Variants in EPAS1 observed in about 807,000 individuals in gnomAD.
EPAS1 encodes endothelial PAS domain protein 1, also known as endothelial PAS domain-containing protein 1.
EPAS1 carries 23 observed loss-of-function variants against 87.9 expected under a neutral mutation model. That is an observed-to-expected ratio of 0.26 (90% CI 0.19 to 0.37). EPAS1 has a LOEUF of 0.37. EPAS1 is among the 10% of genes least tolerant of loss of function. The probability of loss-of-function intolerance (pLI) is 1.00; values close to 1 mark genes in which losing one functional copy is unlikely to be tolerated. For missense variants in EPAS1, 1,138 were observed against 1,120.7 expected (o/e 1.02, Z -0.22); for synonymous variants, 508 against 444.3 (o/e 1.14, Z -1.80).
chr2:46,382,270 T>A (rs1369154511), intron 14 of EPAS1, among the ~76,000 whole-genome samples, 155 bp from the exon 15 acceptor site: 1 of 152,194 alleles, frequency 6.6e-6, no homozygotes, highest in Admixed American at 6.5e-5. Flanking sequence ...CCATCTCCAC[T>A]CTGACTTAGA....
At chr2:46,350,118 T>C (rs1460449170) in intron 2 of EPAS1, among the ~76,000 whole-genome samples, 3 of 152,252 alleles carry the variant, frequency 2.0e-5, no homozygotes, top group Non-Finnish European at 4.4e-5. Context: ...TTGATTTATA[T>C]TAAATATAGG....
In EPAS1 at chr2:46,356,707, C is replaced by G. The variant is rs1349013903; in HGVS notation, c.370-17C>G. ...CACTGTTAGGAATAATGATGCCTAA[C>G]CTTGTTTTTGAAACAGGTGGAGCTA... On this transcript the variant is annotated splice_polypyrimidine_tract_variant and intron_variant, in intron 3 of 15. Coordinates refer to ENST00000263734, the MANE Select transcript of EPAS1 (RefSeq NM_001430.5). 4 of 1,597,560 alleles carry G rather than the reference C, an allele frequency of 2.5e-6. No homozygotes were observed. Among genetic ancestry groups the G allele is most frequent in the Non-Finnish European group, 3.4e-6 (4 of 1,164,976 alleles).
intron 6 of EPAS1, among the ~76,000 whole-genome samples, chr2:46,368,974 T>G (rs1320321918): frequency 6.6e-6 from 1 of 152,158 alleles, no homozygotes; most frequent in Non-Finnish European, 1.5e-5. Context: ...GAATGTTAAG[T>G]GATTCTTCAT....
intron 6 of EPAS1, among the ~76,000 whole-genome samples, chr2:46,364,630 T>C (rs1684466595): frequency 6.6e-6 from 1 of 152,262 alleles, no homozygotes; most frequent in Non-Finnish European, 1.5e-5. Context: ...TAGTAAATAC[T>C]TTTAAAAGTA....
chr2:46,361,796 C>T (rs931032827), intron 6 of EPAS1, among the ~76,000 whole-genome samples: 10 of 152,272 alleles, frequency 6.6e-5, no homozygotes, highest in Middle Eastern at 3.4e-3. Context: ...CATGCCATCT[C>T]GGGTTCTTAG....
rs539540390 is a variant in EPAS1 at position 46,376,732 on chromosome 2, G to A, written c.1228G>A (p.Ala410Thr). ...LAQLAPTPGD[A>T]IISLDFGNQN... is the part of the protein sequence containing the mutation. ...CCAGCTGGCTCCCACCCCAGGAGAC[G>A]CCATCATCTCTCTGGATTTCGGTGG... Residue 410 changes from alanine (A) to threonine (T), a missense_variant, in exon 9 of 16, where the codon GCC becomes ACC. Transcript: ENST00000263734. The A allele has an allele frequency of 3.9e-5, 63 of 1,612,590 alleles. No individual in the cohort carries two copies. In the East Asian group the frequency reaches 6.2e-4, roughly 16 times the overall value.
intron 10 of EPAS1, 68 bp downstream of exon 10, chr2:46,378,155 A>C: frequency 6.5e-7 from 1 of 1,538,150 alleles, no homozygotes; most frequent in South Asian, 1.2e-5. Flanking sequence ...CAGATGGCTG[A>C]AGGGACATTT....
At chr2:46,356,053 A>T (rs545836837) in intron 2 of EPAS1, 98 bp from the exon 3 acceptor site, 2 of 1,356,948 alleles carry the variant, frequency 1.5e-6, no homozygotes, top group Non-Finnish European at 2.1e-6. Context: ...AGTCCACCCA[A>T]TGCCTTTGCA....
chr2:46,378,100 C>G lies in EPAS1; in HGVS notation c.1443+13C>G, dbSNP rs1266132853. 6.3e-7 allele frequency: 1 copy of G among 1,589,602 alleles called. No individual in the cohort carries two copies. The highest frequency in any genetic ancestry group is 1.1e-5 in the South Asian group (1 of 87,582). ...CAGCTGCTCCACGGTGAGCAGCCCT[C>G]TTATGGCGAGGACACAGAGAGGGCT... On this transcript the variant is annotated intron_variant, in intron 10 of 15. Coordinates refer to ENST00000263734, the MANE Select transcript of EPAS1 (RefSeq NM_001430.5).
chr2:46,354,314 C>G (rs4953358), intron 2 of EPAS1, among the ~76,000 whole-genome samples: 95,560 of 151,964 alleles, frequency 0.63, 31,415 homozygotes, highest in East Asian at 0.89. Flanking sequence ...ATGTTTGCAA[C>G]TGACATATTA....
intron 1 of EPAS1, among the ~76,000 whole-genome samples, chr2:46,336,522 T>G (rs963731047): frequency 6.6e-6 from 1 of 152,050 alleles, no homozygotes; most frequent in Non-Finnish European, 1.5e-5. Flanking sequence ...TAGGGAAGAC[T>G]TGAAGGAGGA....
rs139977814 is a variant in EPAS1 at position 46,357,601 on chromosome 2, C to A, written c.454+793C>A. Among the ~76,000 whole-genome samples, 4 of 152,282 alleles carry A rather than the reference C, an allele frequency of 2.6e-5. No homozygotes were observed. The East Asian group carries it at 5.8e-4, about 22-fold the overall frequency. The stretch of plus-strand genomic sequence containing the variant: ...TGGTTAGAGCATGTTACAGGCCAGC[C>A]CTGGCTCATTGTGGGAGGAAACTAC... On this transcript the variant is annotated intron_variant, in intron 4 of 15. Coordinates refer to ENST00000263734, the MANE Select transcript of EPAS1 (RefSeq NM_001430.5).
chr2:46,368,596 G>T (rs543940437), intron 6 of EPAS1, among the ~76,000 whole-genome samples: 2 of 152,220 alleles, frequency 1.3e-5, no homozygotes, highest in South Asian at 2.1e-4. Flanking sequence ...GACCTGTTTG[G>T]GGGGTGGGTT....
At position 46,380,351 on chromosome 2, in the gene EPAS1, C is replaced by A. The variant is rs868839389; in HGVS notation, c.1679C>A (p.Pro560His). The change falls in exon 12 of 16, where the codon CCC becomes CAC. Residue 560 changes from proline (P) to histidine (H), a missense_variant. Coordinates refer to ENST00000263734, the MANE Select transcript of EPAS1 (RefSeq NM_001430.5). This position sits in a 1 kb window ranked among gnomAD's most constrained non-coding sequence, Gnocchi z 4.4. ...TTGGCGGAGAACCCACAGTCCACCCCCCAGCACTGCTTCAGTGCCATGACA... is the reference window on the plus strand; with the variant it reads ...TTGGCGGAGAACCCACAGTCCACCCACCAGCACTGCTTCAGTGCCATGACA... ...RLLAENPQST[P>H]QHCFSAMTNI... 138 of 1,614,204 alleles carry A rather than the reference C, an allele frequency of 8.5e-5. 2 individuals are homozygous for A. In the Middle Eastern group the frequency reaches 3.5e-3, roughly 41 times the overall value.
intron 1 of EPAS1, among the ~76,000 whole-genome samples, chr2:46,341,437 A>G (rs189442185): frequency 5.7e-4 from 87 of 152,342 alleles, no homozygotes; most frequent in African/African-American, 2.0e-3. Context: ...GCCACCTACC[A>G]GCATAAAGTT....
At chr2:46,325,139 A>G (rs1683527441) in intron 1 of EPAS1, among the ~76,000 whole-genome samples, 1 of 152,246 alleles carries the variant, frequency 6.6e-6, no homozygotes, top group African/African-American at 2.4e-5. Flanking sequence ...AAGCATGGTG[A>G]GGAAGGTTCC....
rs766752818 is a variant in EPAS1, at chr2:46,382,463, C to T, written c.2326C>T (p.Pro776Ser). 6.2e-7 allele frequency: 1 copy of T among 1,614,178 alleles called. No individual in the cohort carries two copies. The highest frequency in any genetic ancestry group is 8.5e-7 in the Non-Finnish European group (1 of 1,180,046). The change falls in exon 15 of 16, where the codon CCC becomes TCC. Residue 776 changes from proline (P) to serine (S), a missense_variant. Pro to Ser is a moderately conservative substitution (Grantham distance 74). This residue lies in a region of EPAS1 where 502 missense variants were observed against 427.1 expected (regional missense o/e 1.18). Transcript: ENST00000263734. ...TQNPMRGLGH[P>S]LRHLPLPQPP... ...AAACCCCATGAGGGGCCTGGGCCAT[C>T]CCCTGAGACATCTGCCGCTGCCACA...
At chr2:46,365,939 CAAAT>C (rs1684490812) in intron 6 of EPAS1, among the ~76,000 whole-genome samples, 2 of 152,238 alleles carry the variant, frequency 1.3e-5, no homozygotes, top group Non-Finnish European at 2.9e-5. Flanking sequence ...CTTTGGAAAA[CAAAT>C]AGGTGGTTAC....
chr2:46,372,004 A>C (rs1386667804), intron 7 of EPAS1, among the ~76,000 whole-genome samples: 2 of 152,228 alleles, frequency 1.3e-5, no homozygotes, highest in African/African-American at 4.8e-5. Context: ...TTCTTAGAAC[A>C]TCTTCAATCC....
Sources: gnomAD v4.1 joint callset for allele counts (sites outside exome capture counted in the v4.1 genomes callset) on GRCh38, gnomAD v4.1.1 for gene constraint, gnomAD v4.1.1 regional missense constraint, Gnocchi (gnomAD v3.1) non-coding constraint, MANE v1.5 for transcripts, NCBI Gene and HGNC (gene_info 2026-07-23, HGNC 2026-07-21) for gene names.